Variants in SP140 observed in about 807,000 individuals in gnomAD.
SP140 encodes nuclear body protein SP140.
SP140 carries 81 observed loss-of-function variants against 125.0 expected under a neutral mutation model. The ratio of observed to expected loss-of-function variants is 0.65; its 90% CI spans 0.54 to 0.78. The LOEUF is 0.78. SP140 is among the 30% of genes least tolerant of loss of function. The pLI, the probability that SP140 is intolerant of heterozygous loss-of-function variation, is 0.00. For synonymous variants in SP140, 312 were observed against 354.0 expected, an observed-to-expected ratio of 0.88 and a Z score of 1.33; for missense variants, 858 against 1,037.0, an observed-to-expected ratio of 0.83 and a Z score of 2.37.
chr2:230,304,101 A>G (rs1300547104), intron 22 of SP140, among the ~76,000 whole-genome samples: 1 of 152,260 alleles, frequency 6.6e-6, no homozygotes, highest in East Asian at 1.9e-4. Context: ...GCACTGTTAT[A>G]TACTAACAGA....
intron 15 of SP140, among the ~76,000 whole-genome samples, chr2:230,271,174 A>G (rs1269121599): frequency 6.6e-6 from 1 of 152,224 alleles, no homozygotes; most frequent in African/African-American, 2.4e-5. Flanking sequence ...GTTTTAAACC[A>G]CTAAATTGGT....
chr2:230,240,125 A>G (rs1574946892), intron 3 of SP140, among the ~76,000 whole-genome samples: 1 of 152,146 alleles, frequency 6.6e-6, no homozygotes, highest in African/African-American at 2.4e-5. Flanking sequence ...GAAAAAATAA[A>G]CCTCTACTTA....
intron 15 of SP140, 180 bp downstream of exon 15, chr2:230,270,819 T>G (rs747405185): frequency 8.9e-6 from 6 of 671,974 alleles, no homozygotes; most frequent in Non-Finnish European, 1.7e-5. Flanking sequence ...CTATCTTACA[T>G]GACAAAAGGG....
chr2:230,281,061 G>A (rs2055466962), intron 15 of SP140, among the ~76,000 whole-genome samples: 1 of 152,096 alleles, frequency 6.6e-6, no homozygotes, highest in African/African-American at 2.4e-5. Flanking sequence ...CTATGGTGTG[G>A]CTAATAACAA....
In SP140 at chr2:230,287,947, GAA is replaced by G; in HGVS notation, c.1704_1705del (p.Arg569SerfsTer12). The G allele has an allele frequency of 6.2e-7, 1 of 1,611,938 alleles. No homozygotes were observed. ...RFTQSDRAAQ[K>X]RVRSRASRKH... ...TCACTCAGAGTGACAGAGCTGCACA[GAA>G]AAGAGTCCGATCAAGAGGTAAAAAA... On this transcript the variant is annotated frameshift_variant, in exon 18 of 27. Coordinates refer to ENST00000392045, the MANE Select transcript of SP140 (RefSeq NM_007237.5). LOFTEE classifies it high-confidence loss of function.
At chr2:230,316,508 C>T (rs1313896042), downstream of SP140, among the ~76,000 whole-genome samples, 2 of 152,194 alleles carry the variant, frequency 1.3e-5, no homozygotes, top group Non-Finnish European at 2.9e-5. Context: ...AAATGCTTAT[C>T]AACTTTTTTC....
upstream of SP140, among the ~76,000 whole-genome samples, chr2:230,199,415 G>C (rs998422567): frequency 1.3e-5 from 2 of 151,408 alleles, no homozygotes; most frequent in African/African-American, 4.9e-5. Context: ...CATCATGCTG[G>C]CCAGGCTGGT....
At chr2:230,236,470 C>T (rs1191525399) in intron 1 of SP140, among the ~76,000 whole-genome samples, 2 of 152,212 alleles carry the variant, frequency 1.3e-5, no homozygotes, top group Non-Finnish European at 2.9e-5. Flanking sequence ...TTGGCTCTTG[C>T]AATTATGAAG....
intron 3 of SP140, chr2:230,216,883 G>A (rs2045244748): frequency 2.5e-6 from 4 of 1,614,052 alleles, no homozygotes; most frequent in South Asian, 1.1e-5. Flanking sequence ...GGTGCATGAA[G>A]TGCTGAAAAA....
chr2:230,302,069 A>G (rs972130880), intron 22 of SP140, among the ~76,000 whole-genome samples: 1 of 152,252 alleles, frequency 6.6e-6, no homozygotes, highest in Non-Finnish European at 1.5e-5. Flanking sequence ...GGACTAGTCC[A>G]ACAGGAAACT....
chr2:230,316,500 A>G (rs950173418), downstream of SP140, among the ~76,000 whole-genome samples: 4 of 152,224 alleles, frequency 2.6e-5, no homozygotes, highest in South Asian at 2.1e-4. Flanking sequence ...TAAATAAAAA[A>G]TGCTTATCAA....
At chr2:230,272,140 C>G (rs1283332647) in intron 15 of SP140, among the ~76,000 whole-genome samples, 1 of 152,022 alleles carries the variant, frequency 6.6e-6, no homozygotes, top group Admixed American at 6.6e-5. Context: ...GTCATACTGC[C>G]CAAAGCAATT....
chr2:230,287,259 A>G (rs1327948079), intron 17 of SP140, among the ~76,000 whole-genome samples: 1 of 152,204 alleles, frequency 6.6e-6, no homozygotes, highest in African/African-American at 2.4e-5. Flanking sequence ...CCATGTGGAC[A>G]AAGCCCTGGT....
chr2:230,190,218 G>A, the SP140 span, among the ~76,000 whole-genome samples: 3 of 152,132 alleles, frequency 2.0e-5, no homozygotes, highest in African/African-American at 7.2e-5. Flanking sequence ...AGCATCTATT[G>A]TTTTCTGACT....
At chr2:230,246,095 A>C (rs1371533379) in intron 7 of SP140, among the ~76,000 whole-genome samples, 155 bp downstream of exon 7, 2 of 152,006 alleles carry the variant, frequency 1.3e-5, no homozygotes, top group South Asian at 2.1e-4. Flanking sequence ...CCATCCATCC[A>C]TCTGTATATT....
Position 230,260,717 on chromosome 2 carries a change from T to C in SP140, c.1240+5185T>C, listed in dbSNP as rs905228664. Reference sequence around the variant, plus strand: ...AATAGGGTGTCCTTTCCCCACTTTATGGTTTGTTTGCTTTGTCAAAGATCA... The same window carrying C: ...AATAGGGTGTCCTTTCCCCACTTTACGGTTTGTTTGCTTTGTCAAAGATCA... On this transcript the variant is annotated intron_variant, in intron 12 of 26. Transcript: ENST00000392045. Among the ~76,000 whole-genome samples the C allele has an allele frequency of 9.2e-5, 14 of 152,312 alleles. No individual in the cohort carries two copies. The East Asian group carries it at 1.9e-3, about 21-fold the overall frequency.
chr2:230,246,557 C>A (rs1181572355), intron 7 of SP140, among the ~76,000 whole-genome samples: 2 of 152,114 alleles, frequency 1.3e-5, no homozygotes, highest in African/African-American at 4.8e-5. Flanking sequence ...AAATGAACTT[C>A]ACAAAGGGAA....
upstream of SP140, chr2:230,225,599 A>G: frequency 3.5e-6 from 2 of 572,970 alleles, no homozygotes; most frequent in Non-Finnish European, 6.3e-6. Flanking sequence ...GGCAGGAACA[A>G]GTGACCCTGT....
chr2:230,236,358 T>C (rs1043688631), intron 1 of SP140, among the ~76,000 whole-genome samples: 1 of 152,234 alleles, frequency 6.6e-6, no homozygotes, highest in African/African-American at 2.4e-5. Context: ...TTCTGTAATA[T>C]CTCAGCCAGA....
Sources: allele counts gnomAD v4.1 joint callset (sites outside exome capture counted in the v4.1 genomes callset), GRCh38; gene constraint gnomAD v4.1.1; transcripts MANE v1.5; gene names NCBI Gene and HGNC (gene_info 2026-07-23, HGNC 2026-07-21).